The following CCDC146 variants were observed in gnomAD, a reference collection of about 807,000 sequenced individuals.
CCDC146 encodes coiled-coil domain containing 146.
In CCDC146, 92 loss-of-function variants were observed where a neutral mutation model predicts 119.3. That is an observed-to-expected ratio of 0.77 (90% CI 0.65 to 0.92). The LOEUF (loss-of-function observed/expected upper bound fraction) is 0.92. Ranked by LOEUF, CCDC146 falls within the 40% of genes least tolerant of loss-of-function variation. The probability of loss-of-function intolerance (pLI) is 0.00; values close to 1 mark genes in which losing one functional copy is unlikely to be tolerated. For synonymous variants in CCDC146, 372 were observed against 371.8 expected (o/e 1.00, Z -0.01); for missense variants, 1,000 against 1,103.0 (o/e 0.91, Z 1.32).
chr7:77,188,293 T>C (rs928076415), intron 2 of CCDC146, among the ~76,000 whole-genome samples: 2 of 152,136 alleles, frequency 1.3e-5, no homozygotes, highest in African/African-American at 4.8e-5. Flanking sequence ...AAATATCTCA[T>C]GTAGCGCATA....
In CCDC146 at chr7:77,273,706, C is replaced by A; in HGVS notation, c.1186C>A (p.Pro396Thr). ...QRLLLEMEAI[P>T]KDDSTLSERR... is the part of the protein sequence containing the mutation. The stretch of plus-strand genomic sequence containing the variant: ...TTTTGATTTCCAGATGGAAGCTATC[C>A]CCAAAGATGATTCTACATTATCTGA... Residue 396 changes from proline (P) to threonine (T), a missense_variant, in exon 10 of 19, where the codon CCC (proline) becomes ACC (threonine). By Grantham distance (38) the Pro-to-Thr change is conservative (BLOSUM62 -1). Transcript: ENST00000285871. 6.2e-7 allele frequency: 1 copy of A among 1,607,382 alleles called. No homozygotes were observed. Among genetic ancestry groups the A allele is most frequent in the Non-Finnish European group, 8.5e-7 (1 of 1,175,858 alleles).
At chr7:77,141,405 A>T (rs1455288973) in intron 1 of CCDC146, among the ~76,000 whole-genome samples, 11 of 152,206 alleles carry the variant, frequency 7.2e-5, no homozygotes, top group Non-Finnish European at 1.6e-4. Flanking sequence ...TCATAGTAGA[A>T]TGACTTATAA....
At chr7:77,226,288 C>T (rs1792512238) in intron 2 of CCDC146, among the ~76,000 whole-genome samples, 2 of 152,166 alleles carry the variant, frequency 1.3e-5, no homozygotes, top group African/African-American at 4.8e-5. Flanking sequence ...CAAAGCATGC[C>T]AGCCATTCCC....
At chr7:77,261,746 G>C (rs1793304133) in intron 8 of CCDC146, among the ~76,000 whole-genome samples, 1 of 152,114 alleles carries the variant, frequency 6.6e-6, no homozygotes, top group Non-Finnish European at 1.5e-5. Flanking sequence ...CAAAGTGCTG[G>C]GATTACAGGC....
chr7:77,237,078 T>C (rs969042104), intron 3 of CCDC146, 49 bp downstream of exon 3: 7 of 1,443,802 alleles, frequency 4.8e-6, no homozygotes, highest in Non-Finnish European at 6.8e-6. Context: ...TTTAAATTTC[T>C]TACTGGTGAT....
chr7:77,292,469 T>A (rs1175516055), intron 17 of CCDC146, among the ~76,000 whole-genome samples: 1 of 151,520 alleles, frequency 6.6e-6, no homozygotes, highest in African/African-American at 2.4e-5. Flanking sequence ...CAAAAAAAAT[T>A]AGCCGGGTAT....
At chr7:77,163,847 C>CTTTTTT (rs1554347965) in intron 1 of CCDC146, among the ~76,000 whole-genome samples, 2 of 132,882 alleles carry the variant, frequency 1.5e-5, no homozygotes, top group Admixed American at 8.0e-5. Context: ...TTCTTTCTTT[C>CTTTTTT]TTTCTTTTTT....
chr7:77,225,504 T>C (rs1792491743), intron 2 of CCDC146, among the ~76,000 whole-genome samples: 1 of 150,646 alleles, frequency 6.6e-6, no homozygotes, highest in Non-Finnish European at 1.5e-5. Context: ...CAGTGAGTTA[T>C]GATTACACCA....
intron 11 of CCDC146, among the ~76,000 whole-genome samples, chr7:77,277,997 A>G (rs939303640): frequency 1.4e-4 from 22 of 152,356 alleles, no homozygotes; most frequent in African/African-American, 5.3e-4. Flanking sequence ...TAAAATATTT[A>G]TGTGTAACAC....
Position 77,204,255 on chromosome 7 carries a change from C to T in CCDC146, c.157-32692C>T, listed in dbSNP as rs557390825. 4.2e-4 allele frequency among the ~76,000 whole-genome samples: 64 copies of T among 152,012 alleles called. 1 individual carries two copies. The South Asian group carries it at 0.013, about 31-fold the overall frequency. On this transcript the variant is annotated intron_variant, in intron 2 of 18. Coordinates refer to ENST00000285871, the MANE Select transcript of CCDC146 (RefSeq NM_020879.3). ...TTTTAAACTACTTAATTTGAAATAT[C>T]GACAGTAAATATTTATTTTAATATT...
chr7:77,256,491 AC>A lies in CCDC146; in HGVS notation c.667del (p.His223IlefsTer5). The A allele has an allele frequency of 1.2e-6, 2 of 1,605,998 alleles. No individual in the cohort carries two copies. Among genetic ancestry groups the A allele is most frequent in the Non-Finnish European group, 1.7e-6 (2 of 1,177,926 alleles). On this transcript the variant is annotated frameshift_variant, in exon 6 of 19. Transcript: ENST00000285871. ...AGAAGGAACTAGAAGAATTGTTGGG[AC>A]ATCAGGTCGTCCTAAAGGTGTGCTA... Reference protein sequence around the residue: ...EQKELEELLGHQVVLKDEVAH... With the variant: ...EQKELEELLGXQVVLKDEVAH...
At chr7:77,290,731 A>G (rs17151162) in intron 17 of CCDC146, among the ~76,000 whole-genome samples, 25,287 of 152,178 alleles carry the variant, frequency 0.17, 2,246 homozygotes, top group Admixed American at 0.2. Context: ...AAATTAGTTC[A>G]GTATAGAAGA....
intron 2 of CCDC146, among the ~76,000 whole-genome samples, chr7:77,216,904 C>T (rs1051469997): frequency 6.6e-6 from 1 of 152,114 alleles, no homozygotes; most frequent in Non-Finnish European, 1.5e-5. Flanking sequence ...TGTTTTGCAG[C>T]CCTAACAACA....
intron 2 of CCDC146, among the ~76,000 whole-genome samples, chr7:77,192,397 G>A (rs547412779): frequency 6.6e-6 from 1 of 152,268 alleles, no homozygotes; most frequent in South Asian, 2.1e-4. Context: ...ATTCAAACCA[G>A]GAAGGCCAGC....
intron 9 of CCDC146, among the ~76,000 whole-genome samples, chr7:77,268,097 T>G (rs1584128849): frequency 6.6e-6 from 1 of 152,232 alleles, no homozygotes; most frequent in East Asian, 1.9e-4. Context: ...GACTTTGCCC[T>G]GAATTAGGAT....
chr7:77,143,905 T>A lies in CCDC146; in HGVS notation c.-12+21173T>A, dbSNP rs148367621. ...GATTGACTTGGCAATGTGGGCTCTTTTTTGGTTCCACATGAACTTTAAAGT... is the reference window on the plus strand; with the variant it reads ...GATTGACTTGGCAATGTGGGCTCTTATTTGGTTCCACATGAACTTTAAAGT... On this transcript the variant is annotated intron_variant, in intron 1 of 18. Transcript: ENST00000285871. 0.011 allele frequency among the ~76,000 whole-genome samples: 1,692 copies of A among 151,918 alleles called. 84 individuals carry two copies. The East Asian group carries it at 0.14, about 13-fold the overall frequency.
intron 15 of CCDC146, 96 bp from the exon 16 acceptor site, chr7:77,286,702 G>A (rs1348312975): frequency 2.5e-6 from 3 of 1,194,538 alleles, no homozygotes; most frequent in Non-Finnish European, 3.6e-6. Context: ...GTCTGGGTTG[G>A]TCCTACTAAA....
rs576316735 is a variant in CCDC146 at position 77,241,555 on chromosome 7, C to T, written c.240-136C>T. ...TGGACTCACGGACATGAAGGGTCAA[C>T]TGACTTGGCACAAAAATGTCCCAGA... On this transcript the variant is annotated intron_variant, in intron 3 of 18. Coordinates refer to ENST00000285871, the MANE Select transcript of CCDC146 (RefSeq NM_020879.3). 7.1e-5 allele frequency: 51 copies of T among 715,738 alleles called. 1 individual carries two copies. The South Asian group carries it at 8.2e-4, about 12-fold the overall frequency. The allele number at this position is 715,738 out of a possible 1,614,324, so 44.3% of individuals were successfully genotyped here.
At chr7:77,233,721 T>A (rs1442973422) in intron 2 of CCDC146, among the ~76,000 whole-genome samples, 1 of 152,210 alleles carries the variant, frequency 6.6e-6, no homozygotes, top group Non-Finnish European at 1.5e-5. Context: ...TGCTGATCTG[T>A]CAGGAGGCAG....
Sources: allele counts gnomAD v4.1 joint callset (sites outside exome capture counted in the v4.1 genomes callset), GRCh38; gene constraint gnomAD v4.1.1; transcripts MANE v1.5; gene names NCBI Gene and HGNC (gene_info 2026-07-23, HGNC 2026-07-21).